Variants in ACTN4 observed in about 807,000 individuals in gnomAD.
The protein encoded by ACTN4 is alpha-actinin-4.
Under a neutral mutation model 114.2 loss-of-function variants are expected in ACTN4, and 18 were observed. The observed-to-expected ratio is 0.16, with a 90% CI of 0.11 to 0.23. The LOEUF (loss-of-function observed/expected upper bound fraction) is 0.23, where lower values mean the gene tolerates loss of function less well. Ranked by LOEUF, ACTN4 falls within the 10% of genes least tolerant of loss-of-function variation. The pLI, the probability that ACTN4 is intolerant of heterozygous loss-of-function variation, is 1.00. For synonymous variants in ACTN4, 515 were observed against 506.3 expected (o/e 1.02, Z -0.23); for missense variants, 722 against 1,262.9 (o/e 0.57, Z 6.49).
intron 1 of ACTN4, among the ~76,000 whole-genome samples, chr19:38,654,541 G>GACAGA (rs1233525377): frequency 7.0e-6 from 1 of 143,752 alleles, no homozygotes; most frequent in African/African-American, 2.6e-5. Flanking sequence ...CAGCCTGGAC[G>GACAGA]ACAGAGTAAG....
chr19:38,651,358 A>G (rs1203995822), intron 1 of ACTN4, among the ~76,000 whole-genome samples: 1 of 152,142 alleles, frequency 6.6e-6, no homozygotes, highest in Non-Finnish European at 1.5e-5. Flanking sequence ...GAGGGCCATG[A>G]GTGTTCTCCT....
At chr19:38,674,353 C>T (rs889964142) in intron 1 of ACTN4, among the ~76,000 whole-genome samples, 1 of 152,060 alleles carries the variant, frequency 6.6e-6, no homozygotes, top group African/African-American at 2.4e-5. Flanking sequence ...CAGAATGTGC[C>T]GGTAGCGAGG....
Position 38,710,321 on chromosome 19 carries a change from T to C in ACTN4, c.798T>C (p.His266=). ...AIMTYVSSFY[H]AFSGAQKAET... is the part of the protein sequence containing the mutation. ...TGACCTATGTGTCCAGCTTCTACCA[T>C]GCCTTTTCAGGAGCGCAGAAGGTAC... The change falls in exon 8 of 21, where the codon CAT becomes CAC. Residue 266 remains histidine (H), a synonymous_variant. Coordinates refer to ENST00000252699, the MANE Select transcript of ACTN4 (RefSeq NM_004924.6). 1.2e-6 allele frequency: 2 copies of C among 1,613,998 alleles called. No homozygotes were observed.
chr19:38,694,663 A>G (rs958377065), intron 1 of ACTN4, among the ~76,000 whole-genome samples: 3 of 151,968 alleles, frequency 2.0e-5, no homozygotes, highest in African/African-American at 7.3e-5. Context: ...CCGTGTTTGT[A>G]TGTATCATCT....
chr19:38,651,977 G>A (rs558789146), intron 1 of ACTN4, among the ~76,000 whole-genome samples: 3 of 151,978 alleles, frequency 2.0e-5, no homozygotes, highest in South Asian at 4.2e-4. Flanking sequence ...CAAGTGATCC[G>A]CCTGCCTCGG....
rs750711353 is a variant in ACTN4, at chr19:38,729,297, G to A, written c.2601G>A (p.Leu867=). The A allele has an allele frequency of 5.6e-6, 9 of 1,612,870 alleles. No homozygotes were observed. Among genetic ancestry groups the A allele is most frequent in the Non-Finnish European group, 6.8e-6 (8 of 1,179,982 alleles). Residue 867 remains leucine (L), a synonymous_variant, in exon 21 of 21, where the codon CTG becomes CTA. Transcript: ENST00000252699. ...GDKNFITAEE[L]RRELPPDQAE... ...AGAACTTCATCACAGCTGAGGAGCT[G>A]CGGAGAGAGCTGCCCCCCGACCAGG...
At chr19:38,706,873 A>G (rs566044261) in intron 5 of ACTN4, among the ~76,000 whole-genome samples, 1 of 152,322 alleles carries the variant, frequency 6.6e-6, no homozygotes, top group East Asian at 1.9e-4. Flanking sequence ...GGGAGATGAG[A>G]CATGTCCACC....
chr19:38,667,542 T>A (rs1966998334), intron 1 of ACTN4, among the ~76,000 whole-genome samples: 1 of 152,146 alleles, frequency 6.6e-6, no homozygotes, highest in South Asian at 2.1e-4. Context: ...ACAGCCTTTT[T>A]TGAGCCATTC....
intron 1 of ACTN4, among the ~76,000 whole-genome samples, chr19:38,655,935 C>A (rs1303198176): frequency 6.6e-6 from 1 of 152,132 alleles, no homozygotes; most frequent in Non-Finnish European, 1.5e-5. Flanking sequence ...GAAATAATGA[C>A]AAAAATATGT....
intron 1 of ACTN4, among the ~76,000 whole-genome samples, chr19:38,675,017 C>T (rs1450397797): frequency 1.3e-5 from 2 of 152,156 alleles, no homozygotes; most frequent in East Asian, 1.9e-4. Context: ...TCTAAACAGC[C>T]GTGTGGAGTT....
chr19:38,660,860 C>CT (rs1392259933), intron 1 of ACTN4, among the ~76,000 whole-genome samples: 1 of 152,106 alleles, frequency 6.6e-6, no homozygotes, highest in African/African-American at 2.4e-5. Flanking sequence ...ACACTGAAGT[C>CT]TAGTGATTGG....
At chr19:38,700,191 G>A (rs1249138569) in intron 1 of ACTN4, among the ~76,000 whole-genome samples, 1 of 152,160 alleles carries the variant, frequency 6.6e-6, no homozygotes, top group Non-Finnish European at 1.5e-5. Flanking sequence ...ACACCACCGA[G>A]CCTGGTGCTC....
At chr19:38,668,974 G>A (rs1262113255) in intron 1 of ACTN4, among the ~76,000 whole-genome samples, 2 of 152,034 alleles carry the variant, frequency 1.3e-5, no homozygotes, top group Non-Finnish European at 2.9e-5. Flanking sequence ...GGGCTGAGGA[G>A]TCACCTTGGG....
intron 1 of ACTN4, among the ~76,000 whole-genome samples, chr19:38,672,624 A>C (rs1463273615): frequency 2.0e-5 from 3 of 151,438 alleles, no homozygotes; most frequent in Non-Finnish European, 4.4e-5. Flanking sequence ...CCCAGGCTGG[A>C]GTGTAATGGC....
intron 1 of ACTN4, among the ~76,000 whole-genome samples, chr19:38,677,855 T>C (rs1284752095): frequency 6.6e-6 from 1 of 152,156 alleles, no homozygotes; most frequent in Non-Finnish European, 1.5e-5. Context: ...GCCTCCCAAG[T>C]AGCTGGGATT....
chr19:38,667,704 A>G (rs1599772367), intron 1 of ACTN4, among the ~76,000 whole-genome samples: 1 of 118,244 alleles, frequency 8.5e-6, no homozygotes, highest in South Asian at 2.8e-4. Flanking sequence ...TGTTTCTTCC[A>G]CCAAAAAAAA....
chr19:38,709,864 C>T (rs1968584806), intron 7 of ACTN4, among the ~76,000 whole-genome samples: 1 of 152,196 alleles, frequency 6.6e-6, no homozygotes, highest in Non-Finnish European at 1.5e-5. Context: ...GAGTATGGAG[C>T]CCGACAAAGT....
At chr19:38,673,506 TGAA>T (rs1967215226) in intron 1 of ACTN4, among the ~76,000 whole-genome samples, 1 of 86,592 alleles carries the variant, frequency 1.2e-5, no homozygotes, top group South Asian at 3.2e-4. Context: ...TTTATATATA[TGAA>T]TATATATTTA....
chr19:38,700,835 A>T (rs1968248123), intron 2 of ACTN4, 121 bp downstream of exon 2: 4 of 1,365,990 alleles, frequency 2.9e-6, no homozygotes, highest in Non-Finnish European at 3.1e-6. Context: ...GGCACCCCTT[A>T]ATAGCTGCAC....
Sources: allele counts gnomAD v4.1 joint callset (sites outside exome capture counted in the v4.1 genomes callset), GRCh38; gene constraint gnomAD v4.1.1; transcripts MANE v1.5; gene names NCBI Gene and HGNC (gene_info 2026-07-23, HGNC 2026-07-21).